CATSPER4: variants seen among roughly 807,000 people sequenced by gnomAD.
The protein encoded by CATSPER4 is cation channel sperm associated 4.
In CATSPER4, 46 loss-of-function variants were observed where a neutral mutation model predicts 54.4. The observed-to-expected ratio is 0.84, with a 90% CI of 0.67 to 1.08. The LOEUF (loss-of-function observed/expected upper bound fraction) is 1.08, where lower values mean the gene tolerates loss of function less well. Among genes scored for constraint, CATSPER4 ranks in the 50% least tolerant of loss-of-function variants. The probability of loss-of-function intolerance (pLI) is 0.00; values close to 1 mark genes in which losing one functional copy is unlikely to be tolerated. For synonymous variants in CATSPER4, 230 were observed against 231.9 expected, an observed-to-expected ratio of 0.99 and a Z score of 0.08; for missense variants, 574 against 612.8, an observed-to-expected ratio of 0.94 and a Z score of 0.67.
intron 3 of CATSPER4, 136 bp from the exon 4 acceptor site, chr1:26,197,547 ACAG>A: frequency 1.5e-6 from 1 of 686,826 alleles, no homozygotes; most frequent in African/African-American, 1.8e-5. Flanking sequence ...CGGCAGGGTA[ACAG>A]CAGTGGATGG....
At position 26,200,715 on chromosome 1, in the gene CATSPER4, A is replaced by T. The variant is rs2088996947; in HGVS notation, c.988-115A>T. 6 of 785,874 alleles carry T rather than the reference A, an allele frequency of 7.6e-6. No homozygotes were observed. In the Admixed American group the frequency reaches 9.4e-5, roughly 12 times the overall value. The allele number at this position is 785,874 out of a possible 1,614,324, so 48.7% of individuals were successfully genotyped here. On this transcript the variant is annotated intron_variant, in intron 7 of 9. Transcript: ENST00000456354. ...GCTAAGATTGGTGAGAGCTGAAATG[A>T]GGGCCTTAGAACCCTGGGGTCCTAA...
At position 26,201,488 on chromosome 1, in the gene CATSPER4, A is replaced by T; in HGVS notation, c.1334A>T (p.Asp445Val). The change falls in exon 9 of 10, where the codon GAC becomes GTC. Residue 445 changes from aspartate to valine, a missense_variant. Transcript: ENST00000456354. ...ATCCGCCAGATGTCTCAACAGCAAG[A>T]CTTGCTCAGTGCGCTCGTTAGCATG... ...KDIRQMSQQQ[D>V]LLSALVSMEK... 6.2e-7 allele frequency: 1 copy of T among 1,613,910 alleles called. No homozygotes were observed. Among genetic ancestry groups the T allele is most frequent in the Non-Finnish European group, 8.5e-7 (1 of 1,179,912 alleles).
rs763964660 is a variant in CATSPER4 at position 26,193,828 on chromosome 1, G to C, written c.399G>C (p.Leu133=). The C allele has an allele frequency of 1.2e-6, 2 of 1,614,068 alleles. No homozygotes were observed. The highest frequency in any genetic ancestry group is 2.2e-5 in the South Asian group (2 of 91,068). ...ELFSTIDDIV[L]TILLCEVLLG... ...TCTCTACCATAGATGACATTGTGCT[G>C]ACCATCCTTCTTTGTGAGGTTCTCC... Residue 133 remains leucine (L), a synonymous_variant, in exon 3 of 10, where the codon CTG becomes CTC. Transcript: ENST00000456354.
rs189991470 is a variant in CATSPER4 at position 26,202,799 on chromosome 1, G to A, written c.*257G>A. 3 of 559,034 alleles carry A rather than the reference G, an allele frequency of 5.4e-6. No individual in the cohort carries two copies. The highest frequency in any genetic ancestry group is 3.8e-5 in the African/African-American group (2 of 52,990). 34.6% of individuals were successfully genotyped at this position (559,034 alleles called of 1,614,324 possible). A position where few individuals can be genotyped will look rare whatever the true frequency, so the allele number is the denominator to read the frequency against. On this transcript the variant is annotated 3_prime_UTR_variant, in exon 10 of 10. Coordinates refer to ENST00000456354, the MANE Select transcript of CATSPER4 (RefSeq NM_198137.2). ...GCAGCAAGGATGAGCACAGAAGGGGGTGCTGGCCAACGCAGCCAGGATTTG... is the reference window on the plus strand; with the variant it reads ...GCAGCAAGGATGAGCACAGAAGGGGATGCTGGCCAACGCAGCCAGGATTTG...
chr1:26,198,182 G>A, intron 5 of CATSPER4, 104 bp from the exon 6 acceptor site: 1 of 1,613,110 alleles, frequency 6.2e-7, no homozygotes, highest in Non-Finnish European at 8.5e-7. Flanking sequence ...CTGTGGGCCT[G>A]AATCCCTGTG....
Position 26,200,015 on chromosome 1 carries a change from A to G in CATSPER4, c.944A>G (p.Lys315Arg), listed in dbSNP as rs752728928. 1.2e-6 allele frequency: 2 copies of G among 1,613,974 alleles called. No homozygotes were observed. Among genetic ancestry groups the G allele is most frequent in the Admixed American group, 1.7e-5 (1 of 59,978 alleles). ...VVTTNLEQMM[K>R]AGEQGQQQRI... ...ACCACCAACCTGGAGCAAATGATGA[A>G]GGCAGGAGAGCAGGGACAACAGCAA... is the stretch of plus-strand genomic sequence containing the variant. Residue 315 changes from lysine (K) to arginine (R), a missense_variant, in exon 7 of 10, where the codon AAG becomes AGG. By Grantham distance (26) the Lys-to-Arg change is conservative (BLOSUM62 2). Transcript: ENST00000456354.
At chr1:26,196,387 G>A (rs958865190) in intron 3 of CATSPER4, among the ~76,000 whole-genome samples, 8 of 135,146 alleles carry the variant, frequency 5.9e-5, no homozygotes, top group Admixed American at 3.8e-4. Context: ...CATTTGACAC[G>A]TTGGTTTTCT....
intron 9 of CATSPER4, 54 bp from the exon 10 acceptor site, chr1:26,202,435 G>A (rs1274280345): frequency 6.6e-7 from 1 of 1,517,480 alleles, no homozygotes; most frequent in Non-Finnish European, 9.1e-7. Flanking sequence ...GAGTAACGGA[G>A]GCTGCCATAT....
At chr1:26,195,882 C>T (rs2088933037) in intron 3 of CATSPER4, among the ~76,000 whole-genome samples, 1 of 152,162 alleles carries the variant, frequency 6.6e-6, no homozygotes, top group African/African-American at 2.4e-5. Context: ...ATTCATGACC[C>T]AATACCTCCC....
intron 9 of CATSPER4, chr1:26,201,749 G>T: frequency 2.1e-6 from 1 of 476,510 alleles, no homozygotes; most frequent in South Asian, 2.1e-5. Flanking sequence ...GAGTGCAGTG[G>T]CGCGATCTCG....
intron 9 of CATSPER4, 127 bp from the exon 10 acceptor site, chr1:26,202,362 T>G (rs772073935): frequency 2.5e-6 from 2 of 814,756 alleles, no homozygotes; most frequent in Non-Finnish European, 4.2e-6. Flanking sequence ...TAGGCTCAAG[T>G]TAGACCTATG....
rs367892674 is a variant in CATSPER4 at position 26,198,319 on chromosome 1, G to A, written c.712G>A (p.Ala238Thr). 5.0e-6 allele frequency: 8 copies of A among 1,614,094 alleles called. No individual in the cohort carries two copies. The African/African-American group carries it at 1.1e-4, about 22-fold the overall frequency. ...CGTGTTTGGAGTAACACTCTTTGGT[G>A]CATTCGTGCCCAAGCATTTCCAGAA... ...FSVFGVTLFG[A>T]FVPKHFQNIQ... is the part of the protein sequence containing the mutation. Residue 238 changes from alanine (A) to threonine (T), a missense_variant, in exon 6 of 10, where the codon GCA becomes ACA. Coordinates refer to ENST00000456354, the MANE Select transcript of CATSPER4 (RefSeq NM_198137.2).
At chr1:26,198,098 C>T (rs770890331) in intron 5 of CATSPER4, 21 bp downstream of exon 5, 7 of 1,614,172 alleles carry the variant, frequency 4.3e-6, no homozygotes, top group Non-Finnish European at 5.9e-6. Context: ...GCCCCCGCCC[C>T]CAGCTGTTTC....
In CATSPER4 at chr1:26,193,803, T is replaced by C; in HGVS notation, c.374T>C (p.Phe125Ser). The change falls in exon 3 of 10, where the codon TTC becomes TCC. Residue 125 changes from phenylalanine (F) to serine (S), a missense_variant. By Grantham distance (155) the Phe-to-Ser change is radical (BLOSUM62 -2). Transcript: ENST00000456354. ...SYLDQKHYEL[F>S]STIDDIVLTI... ...CCCATGTAGAAACACTATGAGTTGT[T>C]CTCTACCATAGATGACATTGTGCTG... 1 of 1,613,324 alleles carries C rather than the reference T, an allele frequency of 6.2e-7. No homozygotes were observed. Among genetic ancestry groups the C allele is most frequent in the South Asian group, 1.1e-5 (1 of 91,068 alleles).
chr1:26,196,242 C>T (rs540845018), intron 3 of CATSPER4, among the ~76,000 whole-genome samples: 70 of 149,604 alleles, frequency 4.7e-4, no homozygotes, highest in African/African-American at 1.6e-3. Context: ...GCCAGCCTCT[C>T]AAAGCACCAG....
intron 2 of CATSPER4, among the ~76,000 whole-genome samples, 162 bp downstream of exon 2, chr1:26,191,592 C>G (rs1435780993): frequency 6.6e-6 from 1 of 152,170 alleles, no homozygotes; most frequent in Non-Finnish European, 1.5e-5. Flanking sequence ...TCAAGGAAGA[C>G]TTCATGATGG....
chr1:26,192,628 T>C (rs2088885102), intron 2 of CATSPER4, among the ~76,000 whole-genome samples: 1 of 149,612 alleles, frequency 6.7e-6, no homozygotes, highest in African/African-American at 2.5e-5. Flanking sequence ...GTTCTCGCTC[T>C]GTCGCCCAGG....
At chr1:26,193,123 C>T (rs17163647) in intron 2 of CATSPER4, among the ~76,000 whole-genome samples, 19,178 of 151,000 alleles carry the variant, frequency 0.13, 1,366 homozygotes, top group South Asian at 0.22. Context: ...TAGGTGGAGT[C>T]GGGCACTATG....
intron 2 of CATSPER4, among the ~76,000 whole-genome samples, chr1:26,191,881 C>T (rs2088872941): frequency 6.6e-6 from 1 of 152,054 alleles, no homozygotes; most frequent in Non-Finnish European, 1.5e-5. Context: ...GGAGGCTCAA[C>T]GAAGGCACTC....
Sources: allele counts gnomAD v4.1 joint callset (sites outside exome capture counted in the v4.1 genomes callset), GRCh38; gene constraint gnomAD v4.1.1; transcripts MANE v1.5; gene names NCBI Gene and HGNC (gene_info 2026-07-23, HGNC 2026-07-21).